SERF2: variants seen among roughly 807,000 people sequenced by gnomAD.
SERF2 encodes gastric cancer-related protein VRG107.
In SERF2, 4 loss-of-function variants were observed where a neutral mutation model predicts 10.7. The observed-to-expected ratio is 0.37, with a 90% CI of 0.18 to 0.86. The LOEUF (loss-of-function observed/expected upper bound fraction) is 0.86, where lower values mean the gene tolerates loss of function less well. Ranked by LOEUF, SERF2 falls within the 40% of genes least tolerant of loss-of-function variation. SERF2 has a pLI of 0.43. For synonymous variants in SERF2, 26 were observed against 26.0 expected (o/e 1.00, Z 0.01); for missense variants, 47 against 79.1 (o/e 0.59, Z 1.54).
intron 1 of SERF2, 117 bp downstream of exon 1, chr15:43,792,500 G>A: frequency 1.9e-6 from 3 of 1,582,368 alleles, no homozygotes; most frequent in Admixed American, 1.8e-5. Flanking sequence ...CTCTGGGCGC[G>A]CTCTGTGGCC....
At chr15:43,789,521 A>T (rs16963953), upstream of SERF2, among the ~76,000 whole-genome samples, 24,528 of 152,042 alleles carry the variant, frequency 0.16, 2,602 homozygotes, top group African/African-American at 0.29. Context: ...CCACAGGTGT[A>T]CTCCCTTCAT....
intron 1 of SERF2, among the ~76,000 whole-genome samples, chr15:43,781,225 T>G (rs2086961202): frequency 6.6e-6 from 1 of 152,130 alleles, no homozygotes; most frequent in African/African-American, 2.4e-5. Context: ...CACAAGATTT[T>G]ATCACACTAT....
At chr15:43,792,319 C>T, upstream of SERF2, 2 of 1,444,686 alleles carry the variant, frequency 1.4e-6, no homozygotes, top group Non-Finnish European at 2.0e-6. Flanking sequence ...GCGGGACCTG[C>T]AACGTCCGAC....
Position 43,794,169 on chromosome 15 carries a change from A to C in SERF2, c.*396A>C. 1 of 558,232 alleles carries C rather than the reference A, an allele frequency of 1.8e-6. No homozygotes were observed. The highest frequency in any genetic ancestry group is 3.1e-6 in the Non-Finnish European group (1 of 319,818). The allele number at this position is 558,232 out of a possible 1,614,324, so 34.6% of individuals were successfully genotyped here. A position where few individuals can be genotyped will look rare whatever the true frequency, so the allele number is the denominator to read the frequency against. ...GTGGGTATGTAGACTTAATAAGTGA[A>C]ACATCACAGAAGAAGCCTTTATTAT... On this transcript the variant is annotated 3_prime_UTR_variant, in exon 3 of 3. Coordinates refer to ENST00000249786, the MANE Select transcript of SERF2 (RefSeq NM_001018108.4).
chr15:43,785,586 C>G (rs961988294), intron 2 of SERF2: 71 of 151,974 alleles, frequency 4.7e-4, no homozygotes, highest in African/African-American at 1.6e-3. Flanking sequence ...TTATAAACTC[C>G]CTATTGTTGT....
chr15:43,783,344 C>T (rs774090955), intron 1 of SERF2, among the ~76,000 whole-genome samples: 1 of 151,116 alleles, frequency 6.6e-6, no homozygotes, highest in Non-Finnish European at 1.5e-5. Flanking sequence ...GTTGCCCAGG[C>T]TGGAGTGCAG....
upstream of SERF2, among the ~76,000 whole-genome samples, chr15:43,787,607 A>G (rs1243657278): frequency 1.3e-5 from 2 of 152,036 alleles, no homozygotes; most frequent in African/African-American, 4.8e-5. Context: ...CATGTTGGTC[A>G]GGCTGGTCTT....
At chr15:43,777,302 C>A (rs2086928211) in exon 1 of SERF2, 4 of 373,066 alleles carry the variant, frequency 1.1e-5, no homozygotes. Flanking sequence ...GAACCTGCAA[C>A]CCCTTGAGGG....
intron 2 of SERF2, among the ~76,000 whole-genome samples, chr15:43,785,708 T>TC (rs1346381415): frequency 1.1e-4 from 16 of 148,674 alleles, no homozygotes; most frequent in South Asian, 2.1e-4. Flanking sequence ...CTTTTTCTTT[T>TC]TTTTTTTTTT....
intron 1 of SERF2, among the ~76,000 whole-genome samples, chr15:43,783,706 C>G (rs964793957): frequency 2.6e-5 from 4 of 151,580 alleles, no homozygotes; most frequent in African/African-American, 9.7e-5. Context: ...CTCAAGCAAT[C>G]CTCCCACCTC....
intron 2 of SERF2, among the ~76,000 whole-genome samples, chr15:43,786,873 T>A (rs1434034236): frequency 6.6e-6 from 1 of 152,170 alleles, no homozygotes; most frequent in African/African-American, 2.4e-5. Flanking sequence ...GTCACCACCC[T>A]AGCAATGGAA....
intron 1 of SERF2, among the ~76,000 whole-genome samples, chr15:43,784,865 G>A (rs1048976592): frequency 7.2e-5 from 11 of 151,878 alleles, no homozygotes; most frequent in African/African-American, 2.7e-4. Flanking sequence ...TGATTCTCCC[G>A]CCTCAGCCTC....
chr15:43,793,415 C>T (rs1473770222), intron 2 of SERF2: 4 of 702,664 alleles, frequency 5.7e-6, no homozygotes, highest in Non-Finnish European at 9.2e-6. Context: ...TTCGGTTCTC[C>T]TCCCTTCTCC....
chr15:43,795,057 G>C lies in SERF2; in HGVS notation c.*1284G>C. 1 of 1,612,372 alleles carries C rather than the reference G, an allele frequency of 6.2e-7. No individual in the cohort carries two copies. Among genetic ancestry groups the C allele is most frequent in the Non-Finnish European group, 8.5e-7 (1 of 1,179,320 alleles). On this transcript the variant is annotated 3_prime_UTR_variant, in exon 3 of 3. Coordinates refer to ENST00000249786, the MANE Select transcript of SERF2 (RefSeq NM_001018108.4). ...TGATGCGGTGGCGGCGGCGCCTCAA[G>C]ATAAGGGGCTGGGGTTTCTGGGTGG...
upstream of SERF2, among the ~76,000 whole-genome samples, chr15:43,788,117 T>C (rs1191387135): frequency 6.6e-6 from 1 of 152,066 alleles, no homozygotes; most frequent in Non-Finnish European, 1.5e-5. Flanking sequence ...TCAAGAGATC[T>C]GCCTGCCTAG....
chr15:43,791,179 T>C (rs572128114), upstream of SERF2, among the ~76,000 whole-genome samples: 6 of 152,126 alleles, frequency 3.9e-5, no homozygotes, highest in East Asian at 7.7e-4. Context: ...GTTCACGCCA[T>C]TCTCCTGCCT....
At chr15:43,792,706 C>T in intron 1 of SERF2, 3 of 1,080,690 alleles carry the variant, frequency 2.8e-6, no homozygotes, top group Admixed American at 3.0e-5. Context: ...CCACACACAC[C>T]TTGCCAGCTG....
upstream of SERF2, among the ~76,000 whole-genome samples, chr15:43,789,554 T>G (rs1012749198): frequency 2.6e-5 from 4 of 152,218 alleles, no homozygotes; most frequent in African/African-American, 7.2e-5. Context: ...ACTATTTAGT[T>G]ACTTCATACC....
At chr15:43,789,251 C>A (rs1029557273), upstream of SERF2, among the ~76,000 whole-genome samples, 1 of 152,106 alleles carries the variant, frequency 6.6e-6, no homozygotes, top group African/African-American at 2.4e-5. Context: ...CTTGTCACAA[C>A]CCTACCTCCC....
Sources: gnomAD v4.1 joint callset for allele counts (sites outside exome capture counted in the v4.1 genomes callset) on GRCh38, gnomAD v4.1.1 for gene constraint, MANE v1.5 for transcripts, NCBI Gene and HGNC (gene_info 2026-07-23, HGNC 2026-07-21) for gene names.